The following WDR25 variants were observed in gnomAD, a reference collection of about 807,000 sequenced individuals.
WDR25 encodes WD repeat-containing protein 25.
WDR25 carries 35 observed loss-of-function variants against 47.7 expected under a neutral mutation model. That is an observed-to-expected ratio of 0.73 (90% CI 0.56 to 0.97). The LOEUF is 0.97. Among genes scored for constraint, WDR25 ranks in the 50% least tolerant of loss-of-function variants. WDR25 has a pLI of 0.00. For synonymous variants in WDR25, 248 were observed against 278.9 expected, an observed-to-expected ratio of 0.89 and a Z score of 1.10; for missense variants, 634 against 704.7, an observed-to-expected ratio of 0.90 and a Z score of 1.14.
Position 100,392,763 on chromosome 14 carries a change from C to T in WDR25, c.822+11017C>T, listed in dbSNP as rs565997070. ...GTTGATTAACTGTAATTTACTTAGCCGCCCTTGGACACTTAGGTGGTTTCT... is the reference window on the plus strand; with the variant it reads ...GTTGATTAACTGTAATTTACTTAGCTGCCCTTGGACACTTAGGTGGTTTCT... On this transcript the variant is annotated intron_variant, in intron 2 of 6. Coordinates refer to ENST00000402312, the MANE Select transcript of WDR25 (RefSeq NM_001161476.3). This position sits in a 1 kb window ranked among gnomAD's most constrained non-coding sequence, Gnocchi z 4.2. Among the ~76,000 whole-genome samples the T allele has an allele frequency of 4.6e-5, 7 of 152,258 alleles. No homozygotes were observed. Among genetic ancestry groups the T allele is most frequent in the South Asian group, 2.1e-4 (1 of 4,828 alleles).
intron 4 of WDR25, among the ~76,000 whole-genome samples, chr14:100,490,321 G>T (rs7494276): frequency 4.6e-5 from 7 of 152,224 alleles, no homozygotes; most frequent in Admixed American, 1.3e-4. Flanking sequence ...GCAAACTGTC[G>T]CATGAATGAC....
In WDR25 at chr14:100,467,157, G is replaced by C. The variant is rs571645350; in HGVS notation, c.823-864G>C. On this transcript the variant is annotated intron_variant, in intron 2 of 6. Transcript: ENST00000402312. ...CAAAAGGACAGCTGCCCCTACGGCAGATATTTGTACTTTGACTGGTTGTAA... is the reference window on the plus strand; with the variant it reads ...CAAAAGGACAGCTGCCCCTACGGCACATATTTGTACTTTGACTGGTTGTAA... Among the ~76,000 whole-genome samples the C allele has an allele frequency of 2.1e-4, 32 of 152,362 alleles. 1 individual carries two copies. The South Asian group carries it at 6.4e-3, about 31-fold the overall frequency.
At chr14:100,484,604 G>T (rs1401273340) in intron 4 of WDR25, among the ~76,000 whole-genome samples, 1 of 152,034 alleles carries the variant, frequency 6.6e-6, no homozygotes, top group Non-Finnish European at 1.5e-5. Context: ...TTAAAGGCTG[G>T]TTGTGATTTC....
rs371369511 is a variant in WDR25 at position 100,523,802 on chromosome 14, G to A, written c.1102-2068G>A. ...GCATCTCTACCAGGGGCCCGCAGTT[G>A]CCAGAAGAGTCTGAGTGAGACTCCC... is the stretch of plus-strand genomic sequence containing the variant. On this transcript the variant is annotated intron_variant, in intron 4 of 6. Coordinates refer to ENST00000402312, the MANE Select transcript of WDR25 (RefSeq NM_001161476.3). This position sits in a 1 kb window ranked among gnomAD's most constrained non-coding sequence, Gnocchi z 4.7. 4.6e-5 allele frequency among the ~76,000 whole-genome samples: 7 copies of A among 152,274 alleles called. No individual in the cohort carries two copies. Among genetic ancestry groups the A allele is most frequent in the African/African-American group, 1.7e-4 (7 of 41,538 alleles).
rs141396281 is a variant in WDR25, at chr14:100,381,294, G to A, written c.370G>A (p.Ala124Thr). ...CSSLWTSHVPASHMPLAAARF... is the reference protein window; with the variant it reads ...CSSLWTSHVPTSHMPLAAARF... Reference sequence around the variant, plus strand: ...TTCTCTGTGGACGAGCCATGTTCCAGCCAGCCACATGCCCCTGGCAGCTGC... The same window carrying A: ...TTCTCTGTGGACGAGCCATGTTCCAACCAGCCACATGCCCCTGGCAGCTGC... Residue 124 changes from alanine to threonine, a missense_variant, in exon 2 of 7, where the codon GCC becomes ACC. Physicochemically the swap from Ala to Thr is moderately conservative, Grantham distance 58 (BLOSUM62 0). Coordinates refer to ENST00000402312, the MANE Select transcript of WDR25 (RefSeq NM_001161476.3). 1.2e-4 allele frequency: 190 copies of A among 1,614,184 alleles called. 1 individual carries two copies. The African/African-American group carries it at 2.0e-3, about 17-fold the overall frequency.
intron 3 of WDR25, among the ~76,000 whole-genome samples, chr14:100,477,688 T>C (rs1900061289): frequency 6.6e-6 from 1 of 152,242 alleles, no homozygotes; most frequent in African/African-American, 2.4e-5. Context: ...TTCCAGACTT[T>C]ACCCATATCT....
chr14:100,417,578 T>C (rs541780129), intron 2 of WDR25, among the ~76,000 whole-genome samples: 1 of 152,150 alleles, frequency 6.6e-6, no homozygotes, highest in Admixed American at 6.5e-5. Context: ...ACCTTCCTCC[T>C]CCAGGGAGGG....
intron 4 of WDR25, among the ~76,000 whole-genome samples, chr14:100,518,872 G>C (rs1361911596): frequency 6.6e-6 from 1 of 151,718 alleles, no homozygotes; most frequent in African/African-American, 2.4e-5. Flanking sequence ...CCAGCCTGGG[G>C]GACAGAGCGA....
rs1901098124 is a variant in WDR25, at chr14:100,506,012, C to T, written c.1102-19858C>T. 6.6e-6 allele frequency among the ~76,000 whole-genome samples: 1 copy of T among 152,178 alleles called. No homozygotes were observed. The highest frequency in any genetic ancestry group is 2.1e-4 in the South Asian group (1 of 4,832). ...AGGTTTCGGGTATGATTGATCCCTT[C>T]ACCCAGTTACTGAGCATAGTACTCA... On this transcript the variant is annotated intron_variant, in intron 4 of 6. Coordinates refer to ENST00000402312, the MANE Select transcript of WDR25 (RefSeq NM_001161476.3). The surrounding 1 kb of genome is among the most constrained non-coding windows in gnomAD (Gnocchi z 4.8).
chr14:100,395,176 T>C (rs947346112), intron 2 of WDR25, among the ~76,000 whole-genome samples: 1 of 152,194 alleles, frequency 6.6e-6, no homozygotes, highest in Non-Finnish European at 1.5e-5. Flanking sequence ...CACAGGGGTT[T>C]ACATCTCATT....
rs1189734439 is a variant in WDR25 at position 100,530,010 on chromosome 14, C to T, written c.1604C>T (p.Ser535Phe). 6.2e-7 allele frequency: 1 copy of T among 1,613,090 alleles called. No homozygotes were observed. The highest frequency in any genetic ancestry group is 1.1e-5 in the South Asian group (1 of 91,044). Residue 535 changes from serine to phenylalanine, a missense_variant, in exon 7 of 7, where the codon TCC becomes TTC. By Grantham distance (155) the Ser-to-Phe change is radical. Coordinates refer to ENST00000402312, the MANE Select transcript of WDR25 (RefSeq NM_001161476.3). ...PVLPSVLATC[S>F]WGGDMKIWH Reference sequence around the variant, plus strand: ...CTGCCCTCCGTCCTCGCCACCTGCTCCTGGGGAGGGGACATGAAGATCTGG... The same window carrying T: ...CTGCCCTCCGTCCTCGCCACCTGCTTCTGGGGAGGGGACATGAAGATCTGG...
At position 100,528,435 on chromosome 14, in the gene WDR25, CTTTTTT is replaced by C. The variant is rs66881970; in HGVS notation, c.1273-622_1273-617del. 1.7e-3 allele frequency among the ~76,000 whole-genome samples: 224 copies of C among 131,020 alleles called. 2 individuals are homozygous for C. The highest frequency in any genetic ancestry group is 6.3e-3 in the African/African-American group (216 of 34,038). 86.0% of individuals were successfully genotyped at this position (131,020 alleles called of 152,430 possible). The stretch of plus-strand genomic sequence containing the variant: ...GCGCCTTCCCTTTGTTTCTTTCTTT[CTTTTTT>C]TTTTTTTTTTGTAGAGATGGGGTTT... On this transcript the variant is annotated intron_variant, in intron 5 of 6. Transcript: ENST00000402312.
At chr14:100,410,216 C>T (rs892556522) in intron 2 of WDR25, among the ~76,000 whole-genome samples, 24 of 152,170 alleles carry the variant, frequency 1.6e-4, no homozygotes, top group Non-Finnish European at 3.5e-4. Flanking sequence ...GTGCTCGTCC[C>T]TGGCCTAGGG....
At chr14:100,415,936 AG>A (rs1256552035) in intron 2 of WDR25, among the ~76,000 whole-genome samples, 15 of 152,258 alleles carry the variant, frequency 9.9e-5, no homozygotes, top group Admixed American at 5.2e-4. Context: ...CGATTGGCAC[AG>A]CTGGTGTCCT....
intron 4 of WDR25, among the ~76,000 whole-genome samples, chr14:100,522,426 T>C (rs943296025): frequency 3.3e-5 from 5 of 152,214 alleles, no homozygotes; most frequent in Admixed American, 2.6e-4. Context: ...CACCATCCTA[T>C]GTGATTGGCG....
chr14:100,381,894 C>T (rs1418187316), intron 2 of WDR25, 148 bp downstream of exon 2: 1 of 699,752 alleles, frequency 1.4e-6, no homozygotes, highest in Admixed American at 2.9e-5. Context: ...AAAGGGTCAT[C>T]TGTGGTCAGC....
At chr14:100,518,506 G>A (rs1274119931) in intron 4 of WDR25, among the ~76,000 whole-genome samples, 3 of 138,888 alleles carry the variant, frequency 2.2e-5, no homozygotes, top group Non-Finnish European at 5.1e-5. Context: ...AGAGTCTCTT[G>A]ACTTTTTAAC....
At chr14:100,394,787 G>A (rs1897220288) in intron 2 of WDR25, among the ~76,000 whole-genome samples, 1 of 152,158 alleles carries the variant, frequency 6.6e-6, no homozygotes, top group Non-Finnish European at 1.5e-5. Flanking sequence ...GGATTTCGGG[G>A]CCAGCCTGGA....
chr14:100,460,726 A>G (rs1899383440), intron 2 of WDR25, among the ~76,000 whole-genome samples: 1 of 152,168 alleles, frequency 6.6e-6, no homozygotes, highest in Non-Finnish European at 1.5e-5. Flanking sequence ...AAAAAAAAAC[A>G]TTAGCTCTAA....
Sources: allele counts gnomAD v4.1 joint callset (sites outside exome capture counted in the v4.1 genomes callset), GRCh38; gene constraint gnomAD v4.1.1; non-coding constraint Gnocchi (gnomAD v3.1); transcripts MANE v1.5; gene names NCBI Gene and HGNC (gene_info 2026-07-23, HGNC 2026-07-21).